Variants in OR2AT4 observed in about 807,000 individuals in gnomAD.
OR2AT4 encodes olfactory receptor family 2 subfamily AT member 4.
OR2AT4 carries 6 observed loss-of-function variants against 10.3 expected under a neutral mutation model. The observed-to-expected ratio is 0.58, with a 90% CI of 0.32 to 1.15. OR2AT4 has a LOEUF of 1.15. Among genes scored for constraint, OR2AT4 ranks in the 50% most tolerant of loss-of-function variants. The probability of loss-of-function intolerance (pLI) is 0.05; values close to 1 mark genes in which losing one functional copy is unlikely to be tolerated. For synonymous variants in OR2AT4, 145 were observed against 159.1 expected, an observed-to-expected ratio of 0.91 and a Z score of 0.67; for missense variants, 354 against 393.8, an observed-to-expected ratio of 0.90 and a Z score of 0.85.
intron 1 of OR2AT4, among the ~76,000 whole-genome samples, chr11:75,091,592 G>C (rs1202690058): frequency 6.6e-6 from 1 of 152,116 alleles, no homozygotes; most frequent in African/African-American, 2.4e-5. Context: ...CTGCAAAATA[G>C]ATCAGTAGAA....
chr11:75,085,596 A>T (rs1235188434), exon 2 of OR2AT4: 1 of 152,122 alleles, frequency 6.6e-6, no homozygotes, highest in Non-Finnish European at 1.5e-5. Flanking sequence ...TTGATGCAAA[A>T]ATCCTGAACA....
intron 1 of OR2AT4, among the ~76,000 whole-genome samples, chr11:75,095,145 T>A (rs1304445644): frequency 6.6e-6 from 1 of 152,128 alleles, no homozygotes; most frequent in Non-Finnish European, 1.5e-5. Flanking sequence ...AGTCCAGAAA[T>A]AGTGTCTTTT....
exon 2 of OR2AT4, chr11:75,086,073 C>T (rs966274156): frequency 1.3e-5 from 2 of 151,942 alleles, no homozygotes; most frequent in African/African-American, 2.4e-5. Flanking sequence ...AGTGTAAAGG[C>T]AATTTGATAG....
chr11:75,091,188 A>G (rs1333173333), intron 1 of OR2AT4, among the ~76,000 whole-genome samples: 1 of 152,244 alleles, frequency 6.6e-6, no homozygotes, highest in Non-Finnish European at 1.5e-5. Context: ...AACAAAGAGA[A>G]GGGAGGAATC....
At chr11:75,088,606 T>C in exon 2 of OR2AT4, 1 of 797,166 alleles carries the variant, frequency 1.3e-6, no homozygotes, top group East Asian at 3.3e-5. Context: ...AAAGGTTTCT[T>C]GAATTACTAA....
chr11:75,092,013 C>G (rs1427563478), intron 1 of OR2AT4, among the ~76,000 whole-genome samples: 2 of 152,060 alleles, frequency 1.3e-5, no homozygotes, highest in Non-Finnish European at 2.9e-5. Flanking sequence ...GGCCATGTAT[C>G]CAGTATATAT....
chr11:75,084,392 G>A (rs1246207208), exon 2 of OR2AT4: 1 of 152,052 alleles, frequency 6.6e-6, no homozygotes, highest in African/African-American at 2.4e-5. Context: ...AGGGAGAAAT[G>A]GACAAATCCA....
chr11:75,088,682 T>C, exon 2 of OR2AT4: 1 of 1,391,448 alleles, frequency 7.2e-7, no homozygotes, highest in Non-Finnish European at 9.6e-7. Flanking sequence ...TTATCATGTA[T>C]TGAGTCCTTT....
exon 2 of OR2AT4, chr11:75,088,342 A>C (rs147074679): frequency 6.5e-6 from 1 of 154,024 alleles, no homozygotes; most frequent in Non-Finnish European, 1.4e-5. Context: ...GATTAAGTGA[A>C]AAATAACATT....
exon 2 of OR2AT4, chr11:75,086,896 G>A (rs1387299660): frequency 1.3e-5 from 2 of 152,118 alleles, no homozygotes; most frequent in Non-Finnish European, 2.9e-5. Flanking sequence ...CAGCCCCTGA[G>A]CTCTTTACTG....
At position 75,090,305 on chromosome 11, in the gene OR2AT4, T is replaced by C. The variant is rs1949315207; in HGVS notation, c.-592A>G. 1 of 152,912 alleles carries C rather than the reference T, an allele frequency of 6.5e-6. No homozygotes were observed. Among genetic ancestry groups the C allele is most frequent in the South Asian group, 2.1e-4 (1 of 4,844 alleles). 9.5% of individuals were successfully genotyped at this position (152,912 alleles called of 1,614,324 possible). A position where few individuals can be genotyped will look rare whatever the true frequency, so the allele number is the denominator to read the frequency against. On this transcript the variant is annotated 5_prime_UTR_variant, in exon 2 of 2. The change creates a new upstream start codon in the 5' untranslated region. Transcript: ENST00000641504. ...ACACTCTTATTAAGTTTCTTTCTTG[T>C]ATGCCTTGACTAGTGGTTCTTTCTG...
exon 2 of OR2AT4, chr11:75,086,505 G>T (rs1345312190): frequency 6.6e-6 from 1 of 151,852 alleles, no homozygotes; most frequent in Non-Finnish European, 1.5e-5. Flanking sequence ...CAAACAACCT[G>T]GATTAAAAAG....
exon 2 of OR2AT4, chr11:75,081,806 G>A (rs1051442090): frequency 1.3e-5 from 2 of 151,982 alleles, no homozygotes; most frequent in Non-Finnish European, 2.9e-5. Flanking sequence ...AGAAACCTAG[G>A]AATACACCTA....
chr11:75,089,270 G>A lies in OR2AT4; in HGVS notation c.444C>T (p.Thr148=). 2.5e-6 allele frequency: 4 copies of A among 1,614,218 alleles called. No individual in the cohort carries two copies. In the South Asian group the frequency reaches 3.3e-5, roughly 13 times the overall value. The stretch of plus-strand genomic sequence containing the variant: ...CAGTTAGCCAGGCACTGGCTGCCAA[G>A]GTAGCATTGGTCTGTGGGTTCATGA... The change falls in exon 2 of 2, where the codon ACC becomes ACT. Residue 148 remains threonine, a synonymous_variant. Coordinates refer to ENST00000641504, the Ensembl canonical transcript of OR2AT4.
exon 2 of OR2AT4, chr11:75,082,060 C>G (rs1949269441): frequency 6.6e-6 from 1 of 152,002 alleles, no homozygotes; most frequent in African/African-American, 2.4e-5. Flanking sequence ...CAAAAAAGAG[C>G]CCAAATAGCC....
At chr11:75,093,697 T>G (rs1949331266) in intron 1 of OR2AT4, among the ~76,000 whole-genome samples, 1 of 152,136 alleles carries the variant, frequency 6.6e-6, no homozygotes, top group Admixed American at 6.5e-5. Flanking sequence ...TTTCCCTATT[T>G]TTCTTACCTC....
intron 1 of OR2AT4, among the ~76,000 whole-genome samples, chr11:75,094,211 A>C (rs1949335051): frequency 1.3e-5 from 2 of 152,022 alleles, no homozygotes; most frequent in South Asian, 4.2e-4. Context: ...CAGAGATAGG[A>C]CTGGAGCCCA....
intron 1 of OR2AT4, among the ~76,000 whole-genome samples, chr11:75,093,371 G>A (rs1949329544): frequency 6.6e-6 from 1 of 152,238 alleles, no homozygotes; most frequent in Non-Finnish European, 1.5e-5. Flanking sequence ...TACTACAGGA[G>A]TCTGAAAACT....
At chr11:75,096,479 G>A (rs1385848806) in intron 1 of OR2AT4, among the ~76,000 whole-genome samples, 1 of 152,166 alleles carries the variant, frequency 6.6e-6, no homozygotes, top group South Asian at 2.1e-4. Context: ...AGTTAGAAAG[G>A]CCTGAGTTTC....
Sources: allele counts gnomAD v4.1 joint callset (sites outside exome capture counted in the v4.1 genomes callset), GRCh38; gene constraint gnomAD v4.1.1; transcripts MANE v1.5; gene names NCBI Gene and HGNC (gene_info 2026-07-23, HGNC 2026-07-21).